Variants in PXDNL observed in about 807,000 individuals in gnomAD.
PXDNL encodes peroxidasin like.
A neutral mutation model predicts 150.8 loss-of-function variants in PXDNL; 145 were observed. The ratio of observed to expected loss-of-function variants is 0.96; its 90% CI spans 0.84 to 1.10. The LOEUF (loss-of-function observed/expected upper bound fraction) is 1.10. PXDNL is among the 50% of genes least tolerant of loss of function. The pLI is 0.00. For synonymous variants in PXDNL, 757 were observed against 725.7 expected (o/e 1.04, Z -0.69); for missense variants, 2,087 against 1,873.9 (o/e 1.11, Z -2.10).
At chr8:51,439,572 C>A (rs1272399880) in intron 12 of PXDNL, among the ~76,000 whole-genome samples, 1 of 152,084 alleles carries the variant, frequency 6.6e-6, no homozygotes, top group Non-Finnish European at 1.5e-5. Flanking sequence ...CGCTTGTAAT[C>A]CCAACACTTT....
At position 51,610,927 on chromosome 8, in the gene PXDNL, C is replaced by T. The variant is rs538725611; in HGVS notation, c.237-18229G>A. ...GATTGACTCAAAGTCAATTAACAGA[C>T]CTTCACTAAATATGAAAAAAATCTC... On this transcript the variant is annotated intron_variant, in intron 2 of 22. Coordinates refer to ENST00000356297, the MANE Select transcript of PXDNL (RefSeq NM_144651.5). 2.6e-5 allele frequency among the ~76,000 whole-genome samples: 4 copies of T among 151,964 alleles called. No homozygotes were observed. In the East Asian group the frequency reaches 7.7e-4, roughly 29 times the overall value.
chr8:51,528,675 C>T (rs1811816627), intron 4 of PXDNL, among the ~76,000 whole-genome samples: 1 of 152,058 alleles, frequency 6.6e-6, no homozygotes, highest in Non-Finnish European at 1.5e-5. Flanking sequence ...GCAGAAGAGC[C>T]CATCAGGGAG....
chr8:51,320,857 G>GT lies in PXDNL; in HGVS notation c.4186dup (p.Thr1396AsnfsTer4), dbSNP rs1246032702. ...CTTCCTTGGAACCCCTCTAACATCT[G>GT]TACACCCTGCCTGCCTCAGGCGTGC... On this transcript the variant is annotated frameshift_variant, in exon 22 of 23. Coordinates refer to ENST00000356297, the MANE Select transcript of PXDNL (RefSeq NM_144651.5). LOFTEE classifies it high-confidence loss of function. The GT allele has an allele frequency of 6.2e-7, 1 of 1,613,906 alleles. No individual in the cohort carries two copies. The highest frequency in any genetic ancestry group is 1.3e-5 in the African/African-American group (1 of 75,024).
intron 21 of PXDNL, among the ~76,000 whole-genome samples, chr8:51,323,690 G>A (rs1416428657): frequency 6.6e-6 from 1 of 151,998 alleles, no homozygotes; most frequent in Non-Finnish European, 1.5e-5. Flanking sequence ...GAGGCAGGGG[G>A]ATCACCTGAG....
intron 2 of PXDNL, among the ~76,000 whole-genome samples, chr8:51,600,380 C>A (rs977364169): frequency 1.7e-5 from 2 of 117,256 alleles, no homozygotes; most frequent in Admixed American, 1.8e-4. Context: ...TAAATTATAT[C>A]GTTTAGATAA....
chr8:51,474,833 G>A, intron 7 of PXDNL, 139 bp downstream of exon 7: 1 of 601,904 alleles, frequency 1.7e-6, no homozygotes, highest in Non-Finnish European at 2.6e-6. Context: ...AAGGAAATTG[G>A]CCATACTTTT....
intron 2 of PXDNL, among the ~76,000 whole-genome samples, chr8:51,620,700 C>T (rs776790572): frequency 3.4e-4 from 24 of 70,326 alleles, no homozygotes; most frequent in Non-Finnish European, 6.5e-4. Context: ...CACGCTGCCA[C>T]GCCCGGCTAA....
At chr8:51,650,268 TA>T (rs202102973) in intron 2 of PXDNL, among the ~76,000 whole-genome samples, 22 of 151,266 alleles carry the variant, frequency 1.5e-4, no homozygotes, top group South Asian at 8.4e-4. Flanking sequence ...AGGCATAGAT[TA>T]AAAAAAAATA....
At chr8:51,423,775 T>TA in intron 13 of PXDNL, 44 bp from the exon 14 acceptor site, 2 of 1,544,916 alleles carry the variant, frequency 1.3e-6, no homozygotes, top group Non-Finnish European at 8.8e-7. Flanking sequence ...TGTGGTTCCT[T>TA]AAAAAATCAT....
intron 1 of PXDNL, among the ~76,000 whole-genome samples, chr8:51,659,857 G>GTATT (rs35068146): frequency 0.064 from 9,348 of 145,980 alleles, 387 homozygotes; most frequent in South Asian, 0.12. Context: ...ACAAATTGCA[G>GTATT]TATTTATTTA....
chr8:51,578,380 C>T (rs1049329134), intron 3 of PXDNL, among the ~76,000 whole-genome samples: 1 of 151,872 alleles, frequency 6.6e-6, no homozygotes, highest in Non-Finnish European at 1.5e-5. Flanking sequence ...ATACTCTTTG[C>T]AGTCACTTGA....
At chr8:51,784,863 T>G (rs1231929191) in intron 1 of PXDNL, among the ~76,000 whole-genome samples, 2 of 152,198 alleles carry the variant, frequency 1.3e-5, no homozygotes, top group African/African-American at 4.8e-5. Context: ...AATCACTCAT[T>G]TAACCCCCCT....
At chr8:51,780,940 G>T (rs559459876) in intron 1 of PXDNL, among the ~76,000 whole-genome samples, 1 of 150,274 alleles carries the variant, frequency 6.7e-6, no homozygotes, top group East Asian at 2.0e-4. Flanking sequence ...GATTACAGGT[G>T]TGAACCACTG....
intron 1 of PXDNL, among the ~76,000 whole-genome samples, chr8:51,719,305 C>T (rs887196673): frequency 1.1e-4 from 16 of 152,184 alleles, no homozygotes; most frequent in Admixed American, 8.5e-4. Context: ...AAGAAAAATT[C>T]TTCTGCCTTG....
intron 2 of PXDNL, among the ~76,000 whole-genome samples, chr8:51,641,335 A>G (rs183342857): frequency 0.069 from 10,276 of 149,594 alleles, 1,264 homozygotes; most frequent in African/African-American, 0.25. Flanking sequence ...AATGGCAACA[A>G]AAGCCAAAAT....
At chr8:51,757,110 A>G (rs962239146) in intron 1 of PXDNL, among the ~76,000 whole-genome samples, 1 of 152,202 alleles carries the variant, frequency 6.6e-6, no homozygotes, top group African/African-American at 2.4e-5. Flanking sequence ...CACTTAATCA[A>G]GAACCTAAGT....
chr8:51,803,792 C>T (rs2037647039), intron 1 of PXDNL, among the ~76,000 whole-genome samples: 1 of 152,164 alleles, frequency 6.6e-6, no homozygotes, highest in South Asian at 2.1e-4. Context: ...CCATTCTTCC[C>T]TCTGGGAAAT....
At chr8:51,625,466 C>CAT (rs1366466619) in intron 2 of PXDNL, among the ~76,000 whole-genome samples, 2 of 152,122 alleles carry the variant, frequency 1.3e-5, no homozygotes, top group Admixed American at 1.3e-4. Context: ...CAACCAACTG[C>CAT]ATAGACTCTT....
At chr8:51,323,310 C>T (rs924011219) in intron 21 of PXDNL, among the ~76,000 whole-genome samples, 1 of 152,132 alleles carries the variant, frequency 6.6e-6, no homozygotes, top group Non-Finnish European at 1.5e-5. Context: ...GAGACAGTCT[C>T]GCTCTGTCAC....
Sources: allele counts gnomAD v4.1 joint callset (sites outside exome capture counted in the v4.1 genomes callset), GRCh38; gene constraint gnomAD v4.1.1; transcripts MANE v1.5; gene names NCBI Gene and HGNC (gene_info 2026-07-23, HGNC 2026-07-21).